Variants in OPHN1 observed in about 807,000 individuals in gnomAD.
OPHN1 encodes the protein oligophrenin 1, also known as oligophrenin-1.
A neutral mutation model predicts 60.7 loss-of-function variants in OPHN1; 11 were observed. The observed-to-expected ratio is 0.18, with a 90% CI of 0.11 to 0.30. The LOEUF (loss-of-function observed/expected upper bound fraction) is 0.30, where lower values mean the gene tolerates loss of function less well. Among genes scored for constraint, OPHN1 ranks in the 10% least tolerant of loss-of-function variants. The pLI, the probability that OPHN1 is intolerant of heterozygous loss-of-function variation, is 1.00. For synonymous variants in OPHN1, 226 were observed against 222.6 expected, an observed-to-expected ratio of 1.02 and a Z score of -0.14; for missense variants, 449 against 611.0, an observed-to-expected ratio of 0.73 and a Z score of 2.80.
At chrX:68,416,067 T>TAGAGAGAGAG (rs1171250178) in intron 2 of OPHN1, among the ~76,000 whole-genome samples, 10 of 8,336 alleles carry the variant, frequency 1.2e-3, no homozygotes, top group Middle Eastern at 0.12. Flanking sequence ...TATATATATA[T>TAGAGAGAGAG]AGAGAGAGAG....
chrX:68,292,952 C>T (rs1409758007), intron 3 of OPHN1, among the ~76,000 whole-genome samples: 2 of 111,311 alleles, frequency 1.8e-5, no homozygotes, highest in Non-Finnish European at 3.8e-5. Flanking sequence ...TCATGCATGC[C>T]CCTATATGAA....
At chrX:68,364,041 G>A (rs1167435554) in intron 2 of OPHN1, among the ~76,000 whole-genome samples, 1 of 112,028 alleles carries the variant, frequency 8.9e-6, no homozygotes, top group East Asian at 2.8e-4. Flanking sequence ...CCTTGAACAT[G>A]CCCAGTTCTT....
chrX:68,283,444 G>C (rs1413968656), intron 3 of OPHN1, among the ~76,000 whole-genome samples: 1 of 111,848 alleles, frequency 8.9e-6, no homozygotes, highest in Non-Finnish European at 1.9e-5. Context: ...TTAATTGGCA[G>C]CTATAGAACC....
intron 19 of OPHN1, among the ~76,000 whole-genome samples, chrX:68,079,719 C>A (rs2076967465): frequency 8.9e-6 from 1 of 111,980 alleles, no homozygotes; most frequent in Admixed American, 9.5e-5. Flanking sequence ...CTCAATGTTG[C>A]CTTCTGGATA....
chrX:68,071,272 G>A (rs1390963580), intron 20 of OPHN1: 28 of 720,588 alleles, frequency 3.9e-5, no homozygotes, highest in Non-Finnish European at 5.6e-5. Flanking sequence ...TCTGTGAGCA[G>A]TGCCAAAAGC....
intron 19 of OPHN1, among the ~76,000 whole-genome samples, chrX:68,090,706 C>T (rs2077014262): frequency 9.0e-6 from 1 of 111,165 alleles, no homozygotes; most frequent in Non-Finnish European, 1.9e-5. Context: ...CCCACAAACT[C>T]CACACTGAGA....
intron 15 of OPHN1, among the ~76,000 whole-genome samples, chrX:68,172,527 A>G (rs925164547): frequency 5.4e-5 from 6 of 111,646 alleles, no homozygotes; most frequent in Non-Finnish European, 1.1e-4. Context: ...CTTCTATGAC[A>G]GATTTATCAT....
intron 2 of OPHN1, among the ~76,000 whole-genome samples, chrX:68,400,045 T>C (rs2078705766): frequency 9.1e-6 from 1 of 110,295 alleles, no homozygotes; most frequent in Non-Finnish European, 1.9e-5. Flanking sequence ...CTTCAGCCTC[T>C]GGTCGACTGC....
At chrX:68,280,895 A>G (rs2078016494) in intron 4 of OPHN1, among the ~76,000 whole-genome samples, 1 of 111,682 alleles carries the variant, frequency 9.0e-6, no homozygotes, top group African/African-American at 3.2e-5. Context: ...TACATAAAAT[A>G]TCTATATAAG....
At chrX:68,381,569 C>T (rs60245569) in intron 2 of OPHN1, among the ~76,000 whole-genome samples, 18,771 of 111,080 alleles carry the variant, frequency 0.17, 1,693 homozygotes, top group African/African-American at 0.35. Context: ...ATTCCCACTC[C>T]TATCCATTTG....
rs1602163949 is a variant in OPHN1, at chrX:68,112,028, T to C, written c.1421-69A>G. The C allele has an allele frequency of 6.6e-6, 4 of 604,539 alleles. No homozygotes were observed. In the East Asian group the frequency reaches 1.3e-4, roughly 20 times the overall value. The allele number at this position is 604,539 out of a possible 1,213,427, so 49.8% of individuals were successfully genotyped here. A position where few individuals can be genotyped will look rare whatever the true frequency, so the allele number is the denominator to read the frequency against. On this transcript the variant is annotated intron_variant, in intron 17 of 24. Transcript: ENST00000355520. Reference sequence around the variant, plus strand: ...AACTGGATTGAGCAAAATTCTCACATATATATGCACAAACACACACACATG... The same window carrying C: ...AACTGGATTGAGCAAAATTCTCACACATATATGCACAAACACACACACATG...
intron 2 of OPHN1, among the ~76,000 whole-genome samples, chrX:68,343,679 G>A (rs2064252544): frequency 9.1e-6 from 1 of 109,759 alleles, no homozygotes; most frequent in Non-Finnish European, 1.9e-5. Flanking sequence ...TCCTTAAGGG[G>A]ATGATAATGA....
At chrX:68,085,947 G>A (rs1250663874) in intron 19 of OPHN1, among the ~76,000 whole-genome samples, 1 of 111,460 alleles carries the variant, frequency 9.0e-6, no homozygotes, top group African/African-American at 3.3e-5. Context: ...GGGAGGCTGA[G>A]GCAGGAGGAT....
In OPHN1 at chrX:68,270,704, G is replaced by A. The variant is rs531776395; in HGVS notation, c.384+4034C>T. ...GTATACATATGTAACAAACCTGCAC[G>A]TTGTGCACATGTACCCTAGAACTTA... On this transcript the variant is annotated intron_variant, in intron 5 of 24. Transcript: ENST00000355520. Among the ~76,000 whole-genome samples, 15 of 109,377 alleles carry A rather than the reference G, an allele frequency of 1.4e-4. No individual in the cohort carries two copies. In the South Asian group the frequency reaches 3.3e-3, roughly 24 times the overall value. 95.0% of individuals were successfully genotyped at this position (109,377 alleles called of 115,157 possible).
intron 18 of OPHN1, among the ~76,000 whole-genome samples, chrX:68,101,748 G>T (rs907181529): frequency 1.8e-5 from 2 of 112,306 alleles, no homozygotes; most frequent in Non-Finnish European, 3.8e-5. Flanking sequence ...GACACTCTCA[G>T]CCCTGCATTG....
At chrX:68,189,564 T>C (rs137895293) in intron 15 of OPHN1, among the ~76,000 whole-genome samples, 6 of 107,530 alleles carry the variant, frequency 5.6e-5, no homozygotes, top group Non-Finnish European at 7.7e-5. Context: ...ACAGAACTCT[T>C]ACACGAGGTT....
intron 2 of OPHN1, among the ~76,000 whole-genome samples, chrX:68,377,247 C>A (rs1383596871): frequency 9.3e-6 from 1 of 108,067 alleles, no homozygotes; most frequent in Admixed American, 1.0e-4. Context: ...CAGGCGCCCG[C>A]TACCACGCCC....
At chrX:68,064,901 TA>T (rs2076907475) in intron 20 of OPHN1, among the ~76,000 whole-genome samples, 1 of 111,503 alleles carries the variant, frequency 9.0e-6, no homozygotes, top group Non-Finnish European at 1.9e-5. Context: ...TCCATAGTCA[TA>T]AAAAACTTCG....
intron 5 of OPHN1, among the ~76,000 whole-genome samples, chrX:68,235,233 T>C: frequency 8.9e-6 from 1 of 112,169 alleles, no homozygotes; most frequent in South Asian, 3.7e-4. Flanking sequence ...TTTAATTAAG[T>C]TCTCTGCTAC....
Sources: gnomAD v4.1 joint callset for allele counts (sites outside exome capture counted in the v4.1 genomes callset) on GRCh38, gnomAD v4.1.1 for gene constraint, MANE v1.5 for transcripts, NCBI Gene and HGNC (gene_info 2026-07-23, HGNC 2026-07-21) for gene names.